DOK6: variants seen among roughly 807,000 people sequenced by gnomAD.
DOK6 encodes the protein docking protein 6, also known as downstream of tyrosine kinase 6.
In DOK6, 22 loss-of-function variants were observed where a neutral mutation model predicts 44.0. The observed-to-expected ratio is 0.50, with a 90% CI of 0.36 to 0.71. The LOEUF is 0.71. Ranked by LOEUF, DOK6 falls within the 30% of genes least tolerant of loss-of-function variation. DOK6 has a pLI of 0.00. For missense variants in DOK6, 340 were observed against 416.4 expected, an observed-to-expected ratio of 0.82 and a Z score of 1.60; for synonymous variants, 166 against 145.5, an observed-to-expected ratio of 1.14 and a Z score of -1.01.
intron 1 of DOK6, among the ~76,000 whole-genome samples, chr18:69,535,422 T>A (rs1332919470): frequency 1.3e-5 from 2 of 151,992 alleles, no homozygotes; most frequent in Non-Finnish European, 2.9e-5. Context: ...TTCTAATAAT[T>A]TTCAAGGGAT....
At chr18:69,676,734 A>T (rs1194150048) in intron 3 of DOK6, among the ~76,000 whole-genome samples, 4 of 152,194 alleles carry the variant, frequency 2.6e-5, no homozygotes, top group African/African-American at 7.2e-5. Context: ...AAATAGCTGG[A>T]AGACTTGGTT....
intron 1 of DOK6, among the ~76,000 whole-genome samples, chr18:69,413,604 C>T (rs1282736166): frequency 6.6e-6 from 1 of 151,926 alleles, no homozygotes. Flanking sequence ...CGCCTTGTAA[C>T]TCAAAACAGG....
At chr18:69,709,978 GA>G (rs532578007) in intron 5 of DOK6, among the ~76,000 whole-genome samples, 65 of 152,264 alleles carry the variant, frequency 4.3e-4, no homozygotes, top group African/African-American at 1.5e-3. Context: ...AGGAGTTCAA[GA>G]GCAGACTTGG....
intron 1 of DOK6, among the ~76,000 whole-genome samples, chr18:69,425,956 C>T (rs538783219): frequency 3.4e-4 from 52 of 152,066 alleles, no homozygotes; most frequent in African/African-American, 1.1e-3. Context: ...GCCCTAAAAT[C>T]GCAAAGATAT....
chr18:69,801,859 G>T (rs2145106729), intron 7 of DOK6, among the ~76,000 whole-genome samples: 1 of 152,296 alleles, frequency 6.6e-6, no homozygotes, highest in South Asian at 2.1e-4. Context: ...TGTTCTTGCA[G>T]AGTGTTGAGT....
chr18:69,835,876 G>A (rs1248161475), intron 7 of DOK6, among the ~76,000 whole-genome samples: 1 of 152,132 alleles, frequency 6.6e-6, no homozygotes, highest in East Asian at 1.9e-4. Flanking sequence ...GCTTTACCAG[G>A]CCCATTGTCT....
At chr18:69,416,497 A>C (rs1978344782) in intron 1 of DOK6, among the ~76,000 whole-genome samples, 1 of 152,148 alleles carries the variant, frequency 6.6e-6, no homozygotes, top group African/African-American at 2.4e-5. Context: ...TGTTCCCTTC[A>C]AAGTGAGGAC....
At chr18:69,599,109 C>T (rs539625362) in intron 2 of DOK6, among the ~76,000 whole-genome samples, 1 of 152,182 alleles carries the variant, frequency 6.6e-6, no homozygotes, top group South Asian at 2.1e-4. Context: ...CAGGTATATG[C>T]TTTTAATAAA....
chr18:69,746,837 G>A (rs1411915719), intron 6 of DOK6, among the ~76,000 whole-genome samples: 1 of 152,128 alleles, frequency 6.6e-6, no homozygotes, highest in Non-Finnish European at 1.5e-5. Flanking sequence ...AAGGTGTTCT[G>A]TCTTGAACAT....
At chr18:69,597,884 A>G (rs913471217) in intron 2 of DOK6, among the ~76,000 whole-genome samples, 3 of 152,228 alleles carry the variant, frequency 2.0e-5, no homozygotes, top group African/African-American at 7.2e-5. Context: ...CATTTTTGCA[A>G]GTAGGTGAAT....
chr18:69,750,219 TATTC>T (rs1054701449), intron 6 of DOK6, among the ~76,000 whole-genome samples: 26 of 151,880 alleles, frequency 1.7e-4, no homozygotes, highest in African/African-American at 6.0e-4. Context: ...AAGAGATTCT[TATTC>T]ATTTGGAAGG....
chr18:69,495,739 C>G (rs1181943245), intron 1 of DOK6, among the ~76,000 whole-genome samples: 2 of 152,188 alleles, frequency 1.3e-5, no homozygotes, highest in African/African-American at 4.8e-5. Flanking sequence ...TTCATGGCAT[C>G]CAGGCTGTTC....
chr18:69,727,577 T>A (rs1375888127), intron 5 of DOK6, among the ~76,000 whole-genome samples: 1 of 152,118 alleles, frequency 6.6e-6, no homozygotes, highest in Non-Finnish European at 1.5e-5. Context: ...AGAAAAAATA[T>A]TTTTCCCCAA....
chr18:69,680,458 T>C (rs2144688060), intron 4 of DOK6, among the ~76,000 whole-genome samples: 1 of 152,378 alleles, frequency 6.6e-6, no homozygotes, highest in East Asian at 1.9e-4. Context: ...CTTTTCTGTG[T>C]TCCTCTTGGC....
intron 3 of DOK6, among the ~76,000 whole-genome samples, chr18:69,605,076 T>TG (rs1983963599): frequency 3.5e-4 from 44 of 125,858 alleles, no homozygotes; most frequent in African/African-American, 1.3e-3. Context: ...AGAGATCCCT[T>TG]TGTGTGTGTG....
chr18:69,801,938 T>A (rs999678681), intron 7 of DOK6, among the ~76,000 whole-genome samples: 41 of 152,126 alleles, frequency 2.7e-4, no homozygotes, highest in Non-Finnish European at 1.0e-4. Flanking sequence ...ATAAATAACA[T>A]TGGCAAAGGA....
intron 1 of DOK6, among the ~76,000 whole-genome samples, chr18:69,461,467 A>G (rs1219711665): frequency 6.6e-6 from 1 of 152,154 alleles, no homozygotes; most frequent in Non-Finnish European, 1.5e-5. Context: ...CCTCTATTAA[A>G]TAAATTCCCT....
At chr18:69,401,435 G>A in intron 1 of DOK6, 125 bp downstream of exon 1, 1 of 1,144,064 alleles carries the variant, frequency 8.7e-7, no homozygotes. Context: ...CCCTTAGGCG[G>A]ATGGCCCGCT....
chr18:69,779,091 T>C (rs2145087437), intron 7 of DOK6, among the ~76,000 whole-genome samples: 1 of 152,272 alleles, frequency 6.6e-6, no homozygotes, highest in Admixed American at 6.5e-5. Context: ...AATTTCTAGA[T>C]TTTTCTTGAT....
Sources: gnomAD v4.1 joint callset for allele counts (sites outside exome capture counted in the v4.1 genomes callset) on GRCh38, gnomAD v4.1.1 for gene constraint, MANE v1.5 for transcripts, NCBI Gene and HGNC (gene_info 2026-07-23, HGNC 2026-07-21) for gene names.